Variants in MTMR2 observed in about 807,000 individuals in gnomAD.
MTMR2 encodes myotubularin related protein 2.
Under a neutral mutation model 86.9 loss-of-function variants are expected in MTMR2, and 55 were observed. The ratio of observed to expected loss-of-function variants is 0.63; its 90% CI spans 0.51 to 0.79. The LOEUF (loss-of-function observed/expected upper bound fraction) is 0.79. Ranked by LOEUF, MTMR2 falls within the 30% of genes least tolerant of loss-of-function variation. MTMR2 has a pLI of 0.00. For missense variants in MTMR2, 659 were observed against 772.3 expected, an observed-to-expected ratio of 0.85 and a Z score of 1.74; for synonymous variants, 241 against 266.8, an observed-to-expected ratio of 0.90 and a Z score of 0.94.
intron 12 of MTMR2, among the ~76,000 whole-genome samples, chr11:95,839,587 A>G (rs1863449641): frequency 6.6e-6 from 1 of 152,110 alleles, no homozygotes; most frequent in South Asian, 2.1e-4. Context: ...GAAGAGAACT[A>G]TTTTGTTTTC....
At position 95,862,672 on chromosome 11, in the gene MTMR2, A is replaced by T. The variant is rs78071739; in HGVS notation, c.263-306T>A. Among the ~76,000 whole-genome samples, 51 of 152,310 alleles carry T rather than the reference A, an allele frequency of 3.3e-4. No homozygotes were observed. The South Asian group carries it at 9.9e-3, about 30-fold the overall frequency. Reference sequence around the variant, plus strand: ...TAAAACAGGTGTGGGTAGCTGCAGCAGAGACGGGTGAAAGAATACTGGTAA... The same window carrying T: ...TAAAACAGGTGTGGGTAGCTGCAGCTGAGACGGGTGAAAGAATACTGGTAA... On this transcript the variant is annotated intron_variant, in intron 3 of 14. Coordinates refer to ENST00000346299, the MANE Select transcript of MTMR2 (RefSeq NM_016156.6).
intron 2 of MTMR2, among the ~76,000 whole-genome samples, chr11:95,869,706 C>A (rs562893401): frequency 1.3e-5 from 2 of 152,240 alleles, no homozygotes; most frequent in Admixed American, 1.3e-4. Flanking sequence ...GGAATAATGT[C>A]TACCTGAGAG....
At chr11:95,877,259 C>A (rs1356645627) in intron 2 of MTMR2, among the ~76,000 whole-genome samples, 1 of 146,874 alleles carries the variant, frequency 6.8e-6, no homozygotes, top group Admixed American at 6.9e-5. Flanking sequence ...GGTAGAGCCA[C>A]AGACTGGCAT....
chr11:95,906,132 C>T (rs914584451), intron 1 of MTMR2, among the ~76,000 whole-genome samples: 2 of 151,930 alleles, frequency 1.3e-5, no homozygotes, highest in Admixed American at 6.6e-5. Context: ...GGCTGAGGCA[C>T]GAGAATCCCT....
At chr11:95,878,218 C>A (rs1234175189) in intron 2 of MTMR2, among the ~76,000 whole-genome samples, 4 of 148,050 alleles carry the variant, frequency 2.7e-5, no homozygotes, top group Non-Finnish European at 6.0e-5. Context: ...ATGATTCTAA[C>A]TACATGACAT....
chr11:95,870,687 C>G (rs568428407), intron 2 of MTMR2, among the ~76,000 whole-genome samples: 1 of 148,634 alleles, frequency 6.7e-6, no homozygotes, highest in Non-Finnish European at 1.5e-5. Flanking sequence ...AACTCAAAAA[C>G]ACCAGGAACC....
chr11:95,917,630 A>C (rs1361039649), intron 1 of MTMR2, among the ~76,000 whole-genome samples: 1 of 152,210 alleles, frequency 6.6e-6, no homozygotes, highest in Non-Finnish European at 1.5e-5. Flanking sequence ...TAAACAGCCC[A>C]TCAAAACATA....
chr11:95,838,653 T>TA (rs1863402657), intron 12 of MTMR2, among the ~76,000 whole-genome samples: 1 of 152,042 alleles, frequency 6.6e-6, no homozygotes, highest in Non-Finnish European at 1.5e-5. Context: ...ACCAACCTAT[T>TA]AAATATTTAG....
chr11:95,872,361 A>G (rs935679310), intron 2 of MTMR2, among the ~76,000 whole-genome samples: 5 of 152,044 alleles, frequency 3.3e-5, no homozygotes, highest in African/African-American at 4.8e-5. Context: ...GGATTCCTAG[A>G]TATTTTATTC....
intron 1 of MTMR2, among the ~76,000 whole-genome samples, chr11:95,905,341 A>ATG (rs1866226259): frequency 1.2e-4 from 18 of 147,282 alleles, no homozygotes; most frequent in Non-Finnish European, 2.1e-4. Context: ...GCACACACAC[A>ATG]CACACACACA....
intron 12 of MTMR2, chr11:95,840,054 A>G (rs992300581): frequency 6.6e-6 from 1 of 152,180 alleles, no homozygotes; most frequent in Non-Finnish European, 1.5e-5. Context: ...TCCAAGTGCT[A>G]ACAAGGCCCG....
intron 12 of MTMR2, among the ~76,000 whole-genome samples, chr11:95,841,119 GCTCT>G (rs1175828350): frequency 6.6e-5 from 10 of 151,884 alleles, no homozygotes; most frequent in African/African-American, 1.7e-4. Flanking sequence ...AGCCATAATA[GCTCT>G]CTCTATGCCA....
At chr11:95,920,340 C>G (rs953479941) in intron 1 of MTMR2, among the ~76,000 whole-genome samples, 10 of 152,316 alleles carry the variant, frequency 6.6e-5, no homozygotes, top group African/African-American at 1.9e-4. Context: ...TGGAGTCTCA[C>G]TCTATTGCCC....
chr11:95,848,385 A>T (rs1863883986), intron 9 of MTMR2, among the ~76,000 whole-genome samples: 1 of 152,138 alleles, frequency 6.6e-6, no homozygotes, highest in African/African-American at 2.4e-5. Context: ...AATCAAAATG[A>T]CCTGCTTCTT....
intron 12 of MTMR2, among the ~76,000 whole-genome samples, 157 bp downstream of exon 12, chr11:95,841,460 G>T (rs995936932): frequency 4.6e-5 from 7 of 152,098 alleles, no homozygotes; most frequent in African/African-American, 1.7e-4. Context: ...TCTTTAACCT[G>T]ATTCATAATG....
intron 1 of MTMR2, among the ~76,000 whole-genome samples, chr11:95,895,592 A>C (rs2135566771): frequency 1.3e-5 from 2 of 152,268 alleles, no homozygotes; most frequent in East Asian, 3.9e-4. Flanking sequence ...TTTTTTAAAA[A>C]CAGACAATAG....
chr11:95,875,107 G>C (rs1865053797), intron 2 of MTMR2, among the ~76,000 whole-genome samples: 1 of 152,068 alleles, frequency 6.6e-6, no homozygotes, highest in Non-Finnish European at 1.5e-5. Flanking sequence ...TATCTTTGTG[G>C]CATTCTCTGT....
At position 95,877,331 on chromosome 11, in the gene MTMR2, C is replaced by CTTTTTTTTTTTTTTTTTT. The variant is rs1565368414; in HGVS notation, c.186+10824_186+10825insAAAAAAAAAAAAAAAAAA. ...CATTCAAGATCAAGCACAGGGAAGC[C>CTTTTTTTTTTTTTTTTTT]CTTTTTTTTTTTTTTTTTTTTTTTT... On this transcript the variant is annotated intron_variant, in intron 2 of 14. Transcript: ENST00000346299. 2.9e-4 allele frequency among the ~76,000 whole-genome samples: 27 copies of CTTTTTTTTTTTTTTTTTT among 94,718 alleles called. 7 individuals carry two copies. The highest frequency in any genetic ancestry group is 9.9e-4 in the African/African-American group (20 of 20,154). 62.1% of individuals were successfully genotyped at this position (94,718 alleles called of 152,430 possible). A position where few individuals can be genotyped will look rare whatever the true frequency, so the allele number is the denominator to read the frequency against.
At chr11:95,861,045 A>G (rs1864399732) in intron 5 of MTMR2, among the ~76,000 whole-genome samples, 1 of 151,850 alleles carries the variant, frequency 6.6e-6, no homozygotes, top group Non-Finnish European at 1.5e-5. Context: ...CTGTAGTCCC[A>G]GCTACTCGAG....
Sources: gnomAD v4.1 joint callset for allele counts (sites outside exome capture counted in the v4.1 genomes callset) on GRCh38, gnomAD v4.1.1 for gene constraint, MANE v1.5 for transcripts, NCBI Gene and HGNC (gene_info 2026-07-23, HGNC 2026-07-21) for gene names.